Variants in MAP2K1 observed in about 807,000 individuals in gnomAD.
MAP2K1 encodes mitogen-activated protein kinase kinase 1.
MAP2K1 carries 16 observed loss-of-function variants against 46.3 expected under a neutral mutation model. The ratio of observed to expected loss-of-function variants is 0.35; its 90% confidence interval spans 0.23 to 0.52. MAP2K1 has a LOEUF of 0.52. Ranked by LOEUF, MAP2K1 falls within the 20% of genes least tolerant of loss-of-function variation. The pLI is 0.94. For synonymous variants in MAP2K1, 183 were observed against 185.6 expected (o/e 0.99, Z 0.11); for missense variants, 263 against 497.1 (o/e 0.53, Z 4.48).
intron 1 of MAP2K1, among the ~76,000 whole-genome samples, chr15:66,432,971 T>TGTG: frequency 6.7e-6 from 1 of 149,818 alleles, no homozygotes; most frequent in East Asian, 2.0e-4. Flanking sequence ...TGTGTGTGTG[T>TGTG]GTGTGTGTGT....
intron 5 of MAP2K1, chr15:66,453,594 CA>C (rs1892091977): frequency 2.8e-6 from 2 of 702,024 alleles, no homozygotes; most frequent in African/African-American, 3.5e-5. Flanking sequence ...TGAGAGAGAG[CA>C]GTCTCCTTGT....
intron 3 of MAP2K1, among the ~76,000 whole-genome samples, chr15:66,442,972 G>A (rs371832659): frequency 6.6e-6 from 1 of 152,074 alleles, no homozygotes; most frequent in Admixed American, 6.5e-5. Context: ...TGGGAGTGGG[G>A]TACGAAGCTT....
intron 8 of MAP2K1, 44 bp downstream of exon 8, chr15:66,487,336 A>C: frequency 6.3e-7 from 1 of 1,588,728 alleles, no homozygotes; most frequent in Non-Finnish European, 8.6e-7. Flanking sequence ...TTACTTGCTC[A>C]TCTTAAGAAA....
chr15:66,481,980 G>A (rs1462549743), intron 6 of MAP2K1, 101 bp downstream of exon 6: 4 of 1,436,428 alleles, frequency 2.8e-6, no homozygotes, highest in Non-Finnish European at 3.8e-6. Flanking sequence ...GCTGGGTAGG[G>A]GACAAGAAGT....
chr15:66,395,861 G>A (rs2093366371), intron 1 of MAP2K1, among the ~76,000 whole-genome samples: 2 of 151,894 alleles, frequency 1.3e-5, no homozygotes, highest in South Asian at 4.2e-4. Context: ...ACAGGCGCCT[G>A]GCCCTCTTGC....
At chr15:66,481,542 A>G (rs1411899268) in intron 5 of MAP2K1, among the ~76,000 whole-genome samples, 1 of 152,174 alleles carries the variant, frequency 6.6e-6, no homozygotes, top group Non-Finnish European at 1.5e-5. Context: ...CTTCTACAGC[A>G]GCTGCTCATT....
chr15:66,387,075 G>T lies in MAP2K1; in HGVS notation c.-273G>T, dbSNP rs1200570733. The T allele has an allele frequency of 1.6e-5, 6 of 385,398 alleles. No homozygotes were observed. The highest frequency in any genetic ancestry group is 2.7e-5 in the Non-Finnish European group (6 of 219,272). 23.9% of individuals were successfully genotyped at this position (385,398 alleles called of 1,614,324 possible). ...GAGAGGAAGGGAATCCCGGGCTGCC[G>T]AACCGCACGTTCAGCCCGCTCCGCT... is the stretch of plus-strand genomic sequence containing the variant. On this transcript the variant is annotated 5_prime_UTR_variant, in exon 1 of 11. Coordinates refer to ENST00000307102, the MANE Select transcript of MAP2K1 (RefSeq NM_002755.4).
At chr15:66,440,485 T>C (rs559444881) in intron 3 of MAP2K1, among the ~76,000 whole-genome samples, 1 of 152,278 alleles carries the variant, frequency 6.6e-6, no homozygotes, top group African/African-American at 2.4e-5. Context: ...TTCCTAGAAA[T>C]AAGCTCTGTG....
In MAP2K1 at chr15:66,434,922, A is replaced by T. The variant is rs958199879; in HGVS notation, c.81-105A>T. 3 of 839,402 alleles carry T rather than the reference A, an allele frequency of 3.6e-6. No individual in the cohort carries two copies. In the African/African-American group the frequency reaches 5.0e-5, roughly 14 times the overall value. 52.0% of individuals were successfully genotyped at this position (839,402 alleles called of 1,614,324 possible). A position where few individuals can be genotyped will look rare whatever the true frequency, so the allele number is the denominator to read the frequency against. Reference sequence around the variant, plus strand: ...TCCTCTCTAGCCTCCCACTTTGATTATCTGTCTGGCCCCAGACCTGGAGCT... The same window carrying T: ...TCCTCTCTAGCCTCCCACTTTGATTTTCTGTCTGGCCCCAGACCTGGAGCT... On this transcript the variant is annotated intron_variant, in intron 1 of 10. Transcript: ENST00000307102.
At chr15:66,489,152 G>C in intron 8 of MAP2K1, 63 bp from the exon 9 acceptor site, 1 of 1,316,418 alleles carries the variant, frequency 7.6e-7, no homozygotes, top group Non-Finnish European at 1.1e-6. Context: ...GGGGTGGGAT[G>C]GGGAGAGGAG....
chr15:66,481,060 G>A (rs1892901921), intron 5 of MAP2K1, among the ~76,000 whole-genome samples: 1 of 152,130 alleles, frequency 6.6e-6, no homozygotes, highest in Admixed American at 6.6e-5. Flanking sequence ...CAAGGAAGGG[G>A]GATGGGGGCA....
At chr15:66,417,014 A>C (rs1595849106) in intron 1 of MAP2K1, among the ~76,000 whole-genome samples, 2 of 152,310 alleles carry the variant, frequency 1.3e-5, no homozygotes, top group East Asian at 1.9e-4. Flanking sequence ...CCCAAGGCTG[A>C]GGAGCAGGCC....
At chr15:66,430,028 A>G (rs2093471230) in intron 1 of MAP2K1, among the ~76,000 whole-genome samples, 1 of 151,796 alleles carries the variant, frequency 6.6e-6, no homozygotes, top group Non-Finnish European at 1.5e-5. Context: ...CTTCCCATAT[A>G]CTTTTCTTAT....
chr15:66,392,255 G>GTTT (rs58831070), intron 1 of MAP2K1, among the ~76,000 whole-genome samples: 9 of 97,756 alleles, frequency 9.2e-5, no homozygotes, highest in African/African-American at 3.6e-4. Flanking sequence ...TTTTTTTTGG[G>GTTT]TTTTTTTTTT....
chr15:66,463,958 A>G (rs768457351), intron 5 of MAP2K1, among the ~76,000 whole-genome samples: 2 of 152,220 alleles, frequency 1.3e-5, no homozygotes, highest in Non-Finnish European at 2.9e-5. Context: ...TAGCCTCTCC[A>G]GAGGAGGCAG....
At chr15:66,478,562 G>A (rs1287446632) in intron 5 of MAP2K1, among the ~76,000 whole-genome samples, 1 of 149,952 alleles carries the variant, frequency 6.7e-6, no homozygotes, top group Non-Finnish European at 1.5e-5. Flanking sequence ...GCAGTGGCAC[G>A]ATCTCGGCTC....
At chr15:66,435,283 A>T (rs771666331) in intron 2 of MAP2K1, 46 bp downstream of exon 2, 1 of 1,472,620 alleles carries the variant, frequency 6.8e-7, no homozygotes, top group Non-Finnish European at 9.5e-7. Flanking sequence ...TTCTCAGGGT[A>T]CTTAGAAGCC....
rs990952483 is a variant in MAP2K1, at chr15:66,469,767, A to G, written c.569-11988A>G. On this transcript the variant is annotated intron_variant, in intron 5 of 10. Coordinates refer to ENST00000307102, the MANE Select transcript of MAP2K1 (RefSeq NM_002755.4). Reference sequence around the variant, plus strand: ...TAATTAAGCTGACTTTTAACCATTGAGCTCCTTTAAAAAAATCTGTTTAAA... The same window carrying G: ...TAATTAAGCTGACTTTTAACCATTGGGCTCCTTTAAAAAAATCTGTTTAAA... Among the ~76,000 whole-genome samples, 8 of 133,466 alleles carry G rather than the reference A, an allele frequency of 6.0e-5. No homozygotes were observed. In the Admixed American group the frequency reaches 6.4e-4, roughly 11 times the overall value. The allele number at this position is 133,466 out of a possible 152,430, so 87.6% of individuals were successfully genotyped here. A position where few individuals can be genotyped will look rare whatever the true frequency, so the allele number is the denominator to read the frequency against.
chr15:66,428,264 A>C (rs2093464683), intron 1 of MAP2K1, among the ~76,000 whole-genome samples: 1 of 139,334 alleles, frequency 7.2e-6, no homozygotes, highest in South Asian at 2.3e-4. Flanking sequence ...AACCAACAGC[A>C]GTTGTGCGTG....
Sources: allele counts gnomAD v4.1 joint callset (sites outside exome capture counted in the v4.1 genomes callset), GRCh38; gene constraint gnomAD v4.1.1; transcripts MANE v1.5; gene names NCBI Gene and HGNC (gene_info 2026-07-23, HGNC 2026-07-21).